Variants in LBP observed in about 807,000 individuals in gnomAD.
LBP encodes lipopolysaccharide-binding protein.
In LBP, 53 loss-of-function variants were observed where a neutral mutation model predicts 56.6. That is an observed-to-expected ratio of 0.94 (90% CI 0.75 to 1.18). LBP has a LOEUF of 1.18. LBP is among the 50% of genes most tolerant of loss of function. The pLI, the probability that LBP is intolerant of heterozygous loss-of-function variation, is 0.00. For missense variants in LBP, 601 were observed against 598.3 expected, an observed-to-expected ratio of 1.00 and a Z score of -0.05; for synonymous variants, 227 against 247.5, an observed-to-expected ratio of 0.92 and a Z score of 0.78.
intron 3 of LBP, 131 bp from the exon 4 acceptor site, chr20:38,354,153 T>G (rs1480778507): frequency 4.2e-6 from 3 of 720,652 alleles, no homozygotes; most frequent in Non-Finnish European, 6.6e-6. Flanking sequence ...TTTTATGGCT[T>G]TATTTGTTAT....
chr20:38,364,143 C>A, intron 7 of LBP, 77 bp downstream of exon 7: 1 of 963,282 alleles, frequency 1.0e-6, no homozygotes, highest in Non-Finnish European at 1.7e-6. Flanking sequence ...CCTGTCCCCC[C>A]AACTTCAGAT....
chr20:38,372,536 C>A (rs550870209), intron 12 of LBP, among the ~76,000 whole-genome samples: 1 of 152,266 alleles, frequency 6.6e-6, no homozygotes, highest in East Asian at 1.9e-4. Flanking sequence ...CATTTAGATT[C>A]GAATCCTGAT....
intron 4 of LBP, 145 bp from the exon 5 acceptor site, chr20:38,355,201 C>T: frequency 2.9e-6 from 2 of 700,730 alleles, no homozygotes; most frequent in Non-Finnish European, 5.1e-6. Context: ...CCGAATCAGG[C>T]TGGATGTGCT....
intron 5 of LBP, among the ~76,000 whole-genome samples, chr20:38,356,769 T>C (rs1296361721): frequency 6.6e-6 from 1 of 152,232 alleles, no homozygotes; most frequent in Non-Finnish European, 1.5e-5. Flanking sequence ...TATTCTGATT[T>C]ATAACAAAAA....
intron 12 of LBP, among the ~76,000 whole-genome samples, chr20:38,371,530 T>C (rs1030930674): frequency 6.6e-6 from 1 of 152,250 alleles, no homozygotes; most frequent in African/African-American, 2.4e-5. Context: ...TTAAGTCATC[T>C]ACTGAACAGA....
rs945353877 is a variant in LBP, at chr20:38,373,928, A to G, written c.1325-9A>G. On this transcript the variant is annotated splice_polypyrimidine_tract_variant and intron_variant, in intron 13 of 14. Transcript: ENST00000217407. The stretch of plus-strand genomic sequence containing the variant: ...CCAATCTCTTTCAATGTTGTGCTTC[A>G]ACCTCTAGATAAGTTGGCCGAAGGC... The G allele has an allele frequency of 1.2e-6, 2 of 1,613,418 alleles. No homozygotes were observed. Among genetic ancestry groups the G allele is most frequent in the African/African-American group, 2.7e-5 (2 of 75,024 alleles).
At chr20:38,366,697 CT>C in intron 8 of LBP, 71 bp from the exon 9 acceptor site, 1 of 1,405,802 alleles carries the variant, frequency 7.1e-7, no homozygotes, top group Non-Finnish European at 1.0e-6. Context: ...ATCCCCCTGT[CT>C]CCCCAATCTT....
At chr20:38,360,028 G>A (rs1385029350) in intron 5 of LBP, among the ~76,000 whole-genome samples, 1 of 152,146 alleles carries the variant, frequency 6.6e-6, no homozygotes, top group Non-Finnish European at 1.5e-5. Context: ...AAGGCAGGTG[G>A]ATCGCCTGAG....
chr20:38,350,605 C>T (rs1409243172), intron 2 of LBP, among the ~76,000 whole-genome samples: 1 of 152,258 alleles, frequency 6.6e-6, no homozygotes, highest in Non-Finnish European at 1.5e-5. Context: ...AAGAACACTG[C>T]TGACCCCTTC....
At chr20:38,354,526 A>G in intron 4 of LBP, 87 bp downstream of exon 4, 1 of 1,293,770 alleles carries the variant, frequency 7.7e-7, no homozygotes, top group Non-Finnish European at 1.1e-6. Flanking sequence ...CGATAATTGC[A>G]ATGATCCAGG....
intron 10 of LBP, 136 bp from the exon 11 acceptor site, chr20:38,370,602 T>G: frequency 2.7e-6 from 2 of 738,964 alleles, no homozygotes; most frequent in Non-Finnish European, 4.9e-6. Flanking sequence ...TGGGAGTCTA[T>G]GATCTAGTGG....
chr20:38,365,325 G>A lies in LBP; in HGVS notation c.921+573G>A, dbSNP rs189022587. Among the ~76,000 whole-genome samples the A allele has an allele frequency of 1.9e-4, 28 of 151,140 alleles. No individual in the cohort carries two copies. In the East Asian group the frequency reaches 4.9e-3, roughly 26 times the overall value. On this transcript the variant is annotated intron_variant, in intron 8 of 14. Coordinates refer to ENST00000217407, the MANE Select transcript of LBP (RefSeq NM_004139.5). ...ATCTGTGTTTTGCTTTTCTAGACCT[G>A]TTTACTAGTCTAGACTTGTTAGTCT... is the stretch of plus-strand genomic sequence containing the variant.
chr20:38,375,781 G>A (rs988568229), intron 14 of LBP, among the ~76,000 whole-genome samples: 18 of 152,122 alleles, frequency 1.2e-4, no homozygotes, highest in Non-Finnish European at 7.3e-5. Context: ...ATTAGCAGGA[G>A]GGGGATGCTG....
At chr20:38,360,636 A>C in intron 5 of LBP, 68 bp from the exon 6 acceptor site, 1 of 996,002 alleles carries the variant, frequency 1.0e-6, no homozygotes, top group Non-Finnish European at 1.6e-6. Context: ...ATGTGACTGC[A>C]GTGATCAGCA....
chr20:38,374,114 G>A (rs2076909941), intron 14 of LBP, 101 bp downstream of exon 14: 4 of 1,248,734 alleles, frequency 3.2e-6, no homozygotes, highest in Non-Finnish European at 2.3e-6. Context: ...GCCCAGCCCT[G>A]CAGCTGGGAA....
intron 6 of LBP, among the ~76,000 whole-genome samples, chr20:38,363,460 G>C (rs1249316686): frequency 1.3e-5 from 2 of 152,206 alleles, no homozygotes; most frequent in Non-Finnish European, 2.9e-5. Context: ...CTCGGAGGGG[G>C]AGACCCTGGC....
At chr20:38,364,174 G>C (rs2076872223) in intron 7 of LBP, 108 bp downstream of exon 7, 1 of 755,950 alleles carries the variant, frequency 1.3e-6, no homozygotes, top group Non-Finnish European at 2.3e-6. Flanking sequence ...CCTCCCAGTG[G>C]TTCCCGCTTT....
chr20:38,346,568 A>C lies in LBP; in HGVS notation c.52A>C (p.Thr18Pro). The C allele has an allele frequency of 6.2e-7, 1 of 1,613,830 alleles. No homozygotes were observed. Among genetic ancestry groups the C allele is most frequent in the South Asian group, 1.1e-5 (1 of 91,082 alleles). ...LPSILLALLLTSTPEALGANP... is the reference protein window; with the variant it reads ...LPSILLALLLPSTPEALGANP... ...GTCCATACTGCTGGCATTGCTGCTT[A>C]CGTCCACCCCAGAGGCTCTGGGTGC... Residue 18 changes from threonine (T) to proline (P), a missense_variant, in exon 1 of 15, where the codon ACG (threonine) becomes CCG (proline). By Grantham distance (38) the Thr-to-Pro change is conservative. Coordinates refer to ENST00000217407, the MANE Select transcript of LBP (RefSeq NM_004139.5).
chr20:38,370,205 T>C (rs1468155055), intron 10 of LBP, among the ~76,000 whole-genome samples: 3 of 151,894 alleles, frequency 2.0e-5, no homozygotes, highest in Non-Finnish European at 4.4e-5. Flanking sequence ...AAGACTCCAT[T>C]GCTACAAAAA....
Sources: gnomAD v4.1 joint callset for allele counts (sites outside exome capture counted in the v4.1 genomes callset) on GRCh38, gnomAD v4.1.1 for gene constraint, MANE v1.5 for transcripts, NCBI Gene and HGNC (gene_info 2026-07-23, HGNC 2026-07-21) for gene names.